The following SBK1 variants were observed in gnomAD, a reference collection of about 807,000 sequenced individuals.
The protein encoded by SBK1 is SH3 domain binding kinase 1.
SBK1 carries 11 observed loss-of-function variants against 24.4 expected under a neutral mutation model. That is an observed-to-expected ratio of 0.45 (90% CI 0.28 to 0.75). The LOEUF (loss-of-function observed/expected upper bound fraction) is 0.75. SBK1 is among the 30% of genes least tolerant of loss of function. The probability of loss-of-function intolerance (pLI) is 0.12; values close to 1 mark genes in which losing one functional copy is unlikely to be tolerated. For synonymous variants in SBK1, 308 were observed against 284.4 expected (o/e 1.08, Z -0.83); for missense variants, 467 against 620.5 (o/e 0.75, Z 2.63).
chr16:28,311,426 G>C (rs1362472925), intron 1 of SBK1, among the ~76,000 whole-genome samples: 7 of 152,186 alleles, frequency 4.6e-5, no homozygotes. Flanking sequence ...AGATAGAATA[G>C]AGGACACTAA....
chr16:28,297,193 C>T (rs781440621), intron 1 of SBK1, among the ~76,000 whole-genome samples: 9 of 151,972 alleles, frequency 5.9e-5, no homozygotes, highest in South Asian at 2.1e-4. Context: ...TAGCCAGGTG[C>T]GGTGGCATAT....
chr16:28,288,757 G>A (rs889382770), upstream of SBK1, among the ~76,000 whole-genome samples: 8 of 152,162 alleles, frequency 5.3e-5, no homozygotes, highest in African/African-American at 1.9e-4. Context: ...GGGTCAGTTA[G>A]TGCAGCCATG....
At chr16:28,270,273 G>A (rs1009307734) in intron 1 of SBK1, among the ~76,000 whole-genome samples, 1 of 151,954 alleles carries the variant, frequency 6.6e-6, no homozygotes, top group African/African-American at 2.4e-5. Context: ...TGTTGGCCAG[G>A]ATGGTCTCGA....
chr16:28,284,052 C>T (rs116466900), intron 1 of SBK1, among the ~76,000 whole-genome samples: 3,293 of 152,272 alleles, frequency 0.022, 131 homozygotes, highest in African/African-American at 0.074. Context: ...TCTCTGTGAG[C>T]TCCTCAGTGG....
At chr16:28,315,368 C>A (rs2044787633) in intron 1 of SBK1, among the ~76,000 whole-genome samples, 1 of 151,896 alleles carries the variant, frequency 6.6e-6, no homozygotes, top group Non-Finnish European at 1.5e-5. Context: ...TTTTTGAACA[C>A]CAAATATACC....
chr16:28,297,407 G>A (rs949165334), intron 1 of SBK1, among the ~76,000 whole-genome samples: 15 of 152,190 alleles, frequency 9.9e-5, no homozygotes, highest in Admixed American at 4.6e-4. Flanking sequence ...CTGGGCCAGG[G>A]GCCAGCAGCA....
intron 1 of SBK1, among the ~76,000 whole-genome samples, chr16:28,307,863 G>A (rs1021775762): frequency 3.9e-5 from 6 of 152,162 alleles, no homozygotes; most frequent in Non-Finnish European, 5.9e-5. Context: ...GGATAGCGAC[G>A]GTAGCACCCA....
intron 1 of SBK1, among the ~76,000 whole-genome samples, chr16:28,266,969 C>A (rs979036929): frequency 2.6e-5 from 4 of 151,842 alleles, no homozygotes; most frequent in African/African-American, 9.7e-5. Context: ...TGCAGTGGTG[C>A]GATCTCAGCA....
intron 1 of SBK1, among the ~76,000 whole-genome samples, chr16:28,314,436 C>A (rs147412527): frequency 1.3e-5 from 2 of 150,892 alleles, no homozygotes; most frequent in Admixed American, 6.6e-5. Context: ...GGATCACAGA[C>A]GTGAGCTACC....
At chr16:28,316,949 G>A (rs1405827743) in intron 1 of SBK1, among the ~76,000 whole-genome samples, 1 of 152,196 alleles carries the variant, frequency 6.6e-6, no homozygotes, top group African/African-American at 2.4e-5. Flanking sequence ...GGAGGGCCAG[G>A]CAGAGGGATC....
Position 28,266,341 on chromosome 16 carries a change from T to C in SBK1, c.257+6839T>C, listed in dbSNP as rs144065660. ...AAGATCACACCACTGCACTCAACCC[T>C]AGGTGACAAAGGGAGACCCTGTCTC... On this transcript the variant is annotated intron_variant, in intron 1 of 3. Transcript: ENST00000671413. Among the ~76,000 whole-genome samples the C allele has an allele frequency of 2.9e-3, 438 of 152,046 alleles. 2 individuals are homozygous for C. The highest frequency in any genetic ancestry group is 0.01 in the African/African-American group (420 of 41,502).
chr16:28,294,466 A>G (rs1186251348), intron 1 of SBK1, among the ~76,000 whole-genome samples: 3 of 152,318 alleles, frequency 2.0e-5, no homozygotes, highest in East Asian at 1.9e-4. Flanking sequence ...TATTCATTCA[A>G]CAAACCTGTC....
intron 2 of SBK1, among the ~76,000 whole-genome samples, chr16:28,318,506 G>A (rs2044814223): frequency 6.6e-6 from 1 of 152,240 alleles, no homozygotes; most frequent in Admixed American, 6.5e-5. Flanking sequence ...GCTGAAGGCA[G>A]GGCCTGCGAT....
At chr16:28,290,557 C>T (rs1436722112), upstream of SBK1, 2 of 152,222 alleles carry the variant, frequency 1.3e-5, no homozygotes, top group African/African-American at 4.8e-5. Flanking sequence ...ATCACTTGAA[C>T]CCCGCAGGCA....
intron 1 of SBK1, among the ~76,000 whole-genome samples, chr16:28,312,836 C>CA (rs2044763007): frequency 6.6e-6 from 1 of 151,856 alleles, no homozygotes; most frequent in South Asian, 2.1e-4. Context: ...CCCATCTCTA[C>CA]AAAAAATAAA....
intron 1 of SBK1, among the ~76,000 whole-genome samples, chr16:28,308,356 G>C (rs2044730708): frequency 6.8e-6 from 1 of 146,038 alleles, no homozygotes. Context: ...TCACCATGTT[G>C]TCCAGGCTGG....
At chr16:28,277,532 G>A (rs941721679) in intron 1 of SBK1, among the ~76,000 whole-genome samples, 5 of 152,108 alleles carry the variant, frequency 3.3e-5, no homozygotes, top group Admixed American at 1.3e-4. Context: ...TAAATTAGCC[G>A]AGCATGGTAG....
chr16:28,292,548 G>A lies in SBK1; in HGVS notation c.-760G>A, dbSNP rs977872067. 1 of 979,290 alleles carries A rather than the reference G, an allele frequency of 1.0e-6. No homozygotes were observed. Among genetic ancestry groups the A allele is most frequent in the African/African-American group, 1.8e-5 (1 of 56,566 alleles). The allele number at this position is 979,290 out of a possible 1,614,324, so 60.7% of individuals were successfully genotyped here. ...GCGATGCCGCGATGGAGCGCAGCCC[G>A]GGCGGGCGCCGGGGCCGGGGCCCGA... On this transcript the variant is annotated 5_prime_UTR_variant, in exon 1 of 4. Transcript: ENST00000341901.
chr16:28,284,808 T>C (rs1000445908), intron 1 of SBK1: 1 of 152,278 alleles, frequency 6.6e-6, no homozygotes, highest in Non-Finnish European at 1.5e-5. Flanking sequence ...TCCTTCTTTT[T>C]AAGATCCCAT....
Sources: allele counts gnomAD v4.1 joint callset (sites outside exome capture counted in the v4.1 genomes callset), GRCh38; gene constraint gnomAD v4.1.1; transcripts MANE v1.5; gene names NCBI Gene and HGNC (gene_info 2026-07-23, HGNC 2026-07-21).